Variants in SP140 observed in about 807,000 individuals in gnomAD.
SP140 encodes the protein SP140 nuclear body protein.
A neutral mutation model predicts 125.0 loss-of-function variants in SP140; 81 were observed. That is an observed-to-expected ratio of 0.65 (90% CI 0.54 to 0.78). The LOEUF (loss-of-function observed/expected upper bound fraction) is 0.78, where lower values mean the gene tolerates loss of function less well. SP140 is among the 30% of genes least tolerant of loss of function. The pLI is 0.00. For missense variants in SP140, 858 were observed against 1,037.0 expected, an observed-to-expected ratio of 0.83 and a Z score of 2.37; for synonymous variants, 312 against 354.0, an observed-to-expected ratio of 0.88 and a Z score of 1.33.
At chr2:230,289,942 G>A (rs1323050432) in intron 18 of SP140, among the ~76,000 whole-genome samples, 1 of 152,160 alleles carries the variant, frequency 6.6e-6, no homozygotes, top group Non-Finnish European at 1.5e-5. Context: ...TAGCTACGGG[G>A]AAAGCAGACA....
At chr2:230,297,774 A>G (rs1470787656) in intron 22 of SP140, among the ~76,000 whole-genome samples, 1 of 152,220 alleles carries the variant, frequency 6.6e-6, no homozygotes, top group Non-Finnish European at 1.5e-5. Context: ...GGTAATGGGT[A>G]GGGCTGGCCT....
intron 12 of SP140, among the ~76,000 whole-genome samples, chr2:230,265,790 C>CG (rs34044277): frequency 0.016 from 2,304 of 142,454 alleles, 50 homozygotes; most frequent in African/African-American, 0.051. Flanking sequence ...CTCAGTTTTA[C>CG]GGGGGGGGGC....
chr2:230,270,744 C>T, intron 15 of SP140, 105 bp downstream of exon 15: 3 of 1,102,714 alleles, frequency 2.7e-6, no homozygotes, highest in South Asian at 1.3e-5. Context: ...ATTTGTAATA[C>T]TGTGGTAGAC....
intron 22 of SP140, among the ~76,000 whole-genome samples, chr2:230,299,525 A>G (rs1476248693): frequency 2.0e-5 from 3 of 152,172 alleles, no homozygotes; most frequent in African/African-American, 7.2e-5. Flanking sequence ...ATTTGCAGAG[A>G]GCCATGGGGA....
intron 22 of SP140, among the ~76,000 whole-genome samples, chr2:230,307,583 C>T (rs1559373160): frequency 1.3e-5 from 2 of 152,234 alleles, no homozygotes; most frequent in Non-Finnish European, 2.9e-5. Flanking sequence ...GGTCCAGACA[C>T]AGCCTTGCAG....
intron 15 of SP140, among the ~76,000 whole-genome samples, chr2:230,277,203 C>T (rs2054836236): frequency 6.6e-6 from 1 of 152,128 alleles, no homozygotes; most frequent in African/African-American, 2.4e-5. Context: ...TAGCAAACTT[C>T]ATTACTGTCT....
rs757778191 is a variant in SP140 at position 230,310,731 on chromosome 2, C to A, written c.2175-12C>A. 7.3e-6 allele frequency: 11 copies of A among 1,496,614 alleles called. No homozygotes were observed. The South Asian group carries it at 1.3e-4, about 18-fold the overall frequency. The allele number at this position is 1,496,614 out of a possible 1,614,324, so 92.7% of individuals were successfully genotyped here. A position where few individuals can be genotyped will look rare whatever the true frequency, so the allele number is the denominator to read the frequency against. The stretch of plus-strand genomic sequence containing the variant: ...CTCCCTGCCCTCTGCTCACCCATGT[C>A]CAATCTCTCAGGACCCCGTGGAATT... On this transcript the variant is annotated splice_polypyrimidine_tract_variant and intron_variant, in intron 23 of 26. Coordinates refer to ENST00000392045, the MANE Select transcript of SP140 (RefSeq NM_007237.5).
At chr2:230,265,400 C>T (rs1279323919) in intron 12 of SP140, among the ~76,000 whole-genome samples, 10 of 152,194 alleles carry the variant, frequency 6.6e-5, no homozygotes, top group Admixed American at 6.5e-4. Flanking sequence ...AAGAAAAAGG[C>T]TTGGTTCTTC....
intron 15 of SP140, among the ~76,000 whole-genome samples, chr2:230,276,741 C>T (rs532140792): frequency 4.7e-4 from 71 of 152,232 alleles, no homozygotes; most frequent in African/African-American, 1.7e-3. Context: ...AAGGATTCAC[C>T]ATTTTACATG....
intron 3 of SP140, among the ~76,000 whole-genome samples, chr2:230,220,447 G>A (rs2045715122): frequency 6.6e-6 from 1 of 152,178 alleles, no homozygotes; most frequent in African/African-American, 2.4e-5. Context: ...GAAATGCCTA[G>A]AACTTGTCAG....
intron 3 of SP140, 33 bp downstream of exon 3, chr2:230,238,414 C>G: frequency 6.4e-7 from 1 of 1,568,068 alleles, no homozygotes. Context: ...TTGGGGGATT[C>G]AAGCCCATTT....
chr2:230,255,643 G>A (rs2051073452), intron 12 of SP140, 111 bp downstream of exon 12: 2 of 906,786 alleles, frequency 2.2e-6, no homozygotes, highest in African/African-American at 1.7e-5. Context: ...CACAGTGAAA[G>A]GATCTAATTA....
In SP140 at chr2:230,241,474, A is replaced by C; in HGVS notation, c.477A>C (p.Pro159=). ...NDLEDRPRLL[P]YGKQENSNAC... The stretch of plus-strand genomic sequence containing the variant: ...TAGAAGATAGACCCAGATTACTACC[A>C]TATGGTAAACAAGGTAACTATCATT... The change falls in exon 4 of 27, where the codon CCA becomes CCC. Residue 159 remains proline (P), a synonymous_variant. Transcript: ENST00000392045. The C allele has an allele frequency of 6.4e-7, 1 of 1,571,546 alleles. No homozygotes were observed. Among genetic ancestry groups the C allele is most frequent in the Non-Finnish European group, 8.8e-7 (1 of 1,141,294 alleles).
chr2:230,217,029 T>G, intron 3 of SP140: 1 of 897,210 alleles, frequency 1.1e-6, no homozygotes, highest in Non-Finnish European at 1.8e-6. Context: ...GTGGATCACC[T>G]GAGGTCAAGA....
At chr2:230,244,928 G>T (rs927412399) in intron 5 of SP140, 60 bp from the exon 6 acceptor site, 3 of 1,230,752 alleles carry the variant, frequency 2.4e-6, no homozygotes, top group Non-Finnish European at 2.4e-6. Context: ...CTGAACACCA[G>T]GATTCAGCAG....
At position 230,273,328 on chromosome 2, in the gene SP140, C is replaced by A. The variant is rs147918497; in HGVS notation, c.1498+2689C>A. ...CAAGAGAAGACATACATGCAGCCAG[C>A]AATCATATGAAACAAAGCTCAACAT... On this transcript the variant is annotated intron_variant, in intron 15 of 26. Coordinates refer to ENST00000392045, the MANE Select transcript of SP140 (RefSeq NM_007237.5). Among the ~76,000 whole-genome samples, 759 of 152,208 alleles carry A rather than the reference C, an allele frequency of 5.0e-3. 8 individuals carry two copies. The highest frequency in any genetic ancestry group is 0.017 in the African/African-American group (726 of 41,538).
intron 15 of SP140, among the ~76,000 whole-genome samples, chr2:230,275,196 C>CT (rs1385815427): frequency 6.6e-6 from 1 of 151,986 alleles, no homozygotes; most frequent in Non-Finnish European, 1.5e-5. Context: ...TGATGTTATT[C>CT]TTTTACGTTT....
rs1367576028 is a variant in SP140, at chr2:230,312,670, A to C, written c.2590A>C (p.Asn864His). The change falls in exon 27 of 27, where the codon AAT (asparagine) becomes CAT (histidine). Residue 864 changes from asparagine (N) to histidine (H), a missense_variant. Around this residue, in one of 4 missense-constraint regions of SP140, gnomAD observed 43 missense variants for 35.1 expected, o/e 1.23. Coordinates refer to ENST00000392045, the MANE Select transcript of SP140 (RefSeq NM_007237.5). ...FKEVFAIQET[N>H]GNN Reference sequence around the variant, plus strand: ...GGAAGTGTTTGCTATTCAGGAAACAAATGGGAACAATTGACTGGATTAGTG... The same window carrying C: ...GGAAGTGTTTGCTATTCAGGAAACACATGGGAACAATTGACTGGATTAGTG... The C allele has an allele frequency of 1.2e-6, 2 of 1,608,510 alleles. No individual in the cohort carries two copies. Among genetic ancestry groups the C allele is most frequent in the South Asian group, 2.2e-5 (2 of 90,900 alleles).
intron 1 of SP140, among the ~76,000 whole-genome samples, chr2:230,236,023 C>T (rs1221188884): frequency 6.6e-6 from 1 of 151,978 alleles, no homozygotes; most frequent in Admixed American, 6.6e-5. Flanking sequence ...ACTACAGGCA[C>T]CTGCCACCAT....
Sources: allele counts gnomAD v4.1 joint callset (sites outside exome capture counted in the v4.1 genomes callset), GRCh38; gene constraint gnomAD v4.1.1; regional missense constraint gnomAD v4.1.1; transcripts MANE v1.5; gene names NCBI Gene and HGNC (gene_info 2026-07-23, HGNC 2026-07-21).